SETD1A: variants seen among roughly 807,000 people sequenced by gnomAD.
SETD1A encodes SET domain containing 1A, histone lysine methyltransferase, also known as histone-lysine N-methyltransferase SETD1A.
Under a neutral mutation model 149.9 loss-of-function variants are expected in SETD1A, and 29 were observed. The observed-to-expected ratio is 0.19, with a 90% confidence interval of 0.14 to 0.26. The LOEUF (loss-of-function observed/expected upper bound fraction) is 0.26, where lower values mean the gene tolerates loss of function less well. Ranked by LOEUF, SETD1A falls within the 10% of genes least tolerant of loss-of-function variation. SETD1A has a pLI of 1.00. For synonymous variants in SETD1A, 1,141 were observed against 968.5 expected (o/e 1.18, Z -3.31); for missense variants, 2,109 against 2,353.1 (o/e 0.90, Z 2.15).
At chr16:30,972,426 G>T (rs1414214832) in intron 13 of SETD1A, among the ~76,000 whole-genome samples, 2 of 151,572 alleles carry the variant, frequency 1.3e-5, no homozygotes, top group Non-Finnish European at 3.0e-5. Context: ...CATGAGGTCA[G>T]GAGATCGAGA....
chr16:30,968,770 C>T (rs1404047620), intron 10 of SETD1A, among the ~76,000 whole-genome samples: 7 of 151,822 alleles, frequency 4.6e-5, no homozygotes, highest in Admixed American at 2.0e-4. Context: ...CACTGCACTC[C>T]AGCCTGGCGA....
Position 30,983,698 on chromosome 16 carries a change from C to G in SETD1A, c.4876C>G (p.Arg1626Gly). 6.2e-7 allele frequency: 1 copy of G among 1,614,038 alleles called. No homozygotes were observed. The highest frequency in any genetic ancestry group is 8.5e-7 in the Non-Finnish European group (1 of 1,179,978). ...GGGCATTGGCAGCAGCTACCTGTTC[C>G]GGGTGGACCACGACACCATCATCGA... ...QEGIGSSYLF[R>G]VDHDTIIDAT... The change falls in exon 18 of 19, where the codon CGG becomes GGG. Residue 1626 changes from arginine to glycine, a missense_variant. Physicochemically the swap from Arg to Gly is moderately radical, Grantham distance 125 (BLOSUM62 -2). Coordinates refer to ENST00000262519, the MANE Select transcript of SETD1A (RefSeq NM_014712.3). This position sits in a 1 kb window ranked among gnomAD's most constrained non-coding sequence, Gnocchi z 6.8.
rs989328905 is a variant in SETD1A, at chr16:30,971,790, A to G, written c.3358+71A>G. 3 of 1,488,398 alleles carry G rather than the reference A, an allele frequency of 2.0e-6. No individual in the cohort carries two copies. The African/African-American group carries it at 4.2e-5, about 21-fold the overall frequency. The allele number at this position is 1,488,398 out of a possible 1,614,324, so 92.2% of individuals were successfully genotyped here. The stretch of plus-strand genomic sequence containing the variant: ...AGAGAGAGAAAACAGTGGTGCTTGC[A>G]TTTATTGTGTACAAGTGTGTGACTT... On this transcript the variant is annotated intron_variant, in intron 13 of 18. Coordinates refer to ENST00000262519, the MANE Select transcript of SETD1A (RefSeq NM_014712.3).
chr16:30,961,121 T>G lies in SETD1A; in HGVS notation c.247-146T>G, dbSNP rs1192613669. 5 of 758,482 alleles carry G rather than the reference T, an allele frequency of 6.6e-6. No individual in the cohort carries two copies. Among genetic ancestry groups the G allele is most frequent in the Non-Finnish European group, 1.1e-5 (5 of 439,964 alleles). 47.0% of individuals were successfully genotyped at this position (758,482 alleles called of 1,614,324 possible). ...TTCAGGGAAAAGGGGTCAGGTCTGA[T>G]GGATCCCTTATTTTGGGCCCCTTCC... is the stretch of plus-strand genomic sequence containing the variant. On this transcript the variant is annotated intron_variant, in intron 3 of 18. Transcript: ENST00000262519. This position sits in a 1 kb window ranked among gnomAD's most constrained non-coding sequence, Gnocchi z 4.0.
chr16:30,964,664 G>A lies in SETD1A; in HGVS notation c.922G>A (p.Ala308Thr), dbSNP rs1329669335. The A allele has an allele frequency of 9.3e-6, 15 of 1,613,934 alleles. No homozygotes were observed. The highest frequency in any genetic ancestry group is 1.2e-5 in the Non-Finnish European group (14 of 1,180,016). Reference sequence around the variant, plus strand: ...GCGGTCAGAGAACAGCTACCAAGATGCCTTTTCCCGCCGCCACTTCTCTGC... The same window carrying A: ...GCGGTCAGAGAACAGCTACCAAGATACCTTTTCCCGCCGCCACTTCTCTGC... ...PRRSENSYQDAFSRRHFSASS... is the reference protein window; with the variant it reads ...PRRSENSYQDTFSRRHFSASS... Residue 308 changes from alanine to threonine, a missense_variant, in exon 7 of 19, where the codon GCC (alanine) becomes ACC (threonine). By Grantham distance (58) the Ala-to-Thr change is moderately conservative (BLOSUM62 0). Transcript: ENST00000262519.
In SETD1A at chr16:30,979,831, C is replaced by A; in HGVS notation, c.4045C>A (p.Pro1349Thr). 1 of 1,551,990 alleles carries A rather than the reference C, an allele frequency of 6.4e-7. No homozygotes were observed. The highest frequency in any genetic ancestry group is 1.7e-4 in the Middle Eastern group (1 of 5,796). The change falls in exon 14 of 19, where the codon CCC becomes ACC. Residue 1349 changes from proline (P) to threonine (T), a missense_variant. Physicochemically the swap from Pro to Thr is conservative, Grantham distance 38. Around this residue, in one of 8 missense-constraint regions of SETD1A, gnomAD observed 832 missense variants for 815.6 expected, o/e 1.02. Coordinates refer to ENST00000262519, the MANE Select transcript of SETD1A (RefSeq NM_014712.3). ...GGTGGTGGTGGCTGAGGCGGAGGAG[C>A]CCAAGCCGCAGCAACTGCAGCAGCA... is the stretch of plus-strand genomic sequence containing the variant. The part of the protein sequence containing the change: ...PEVVVAEAEE[P>T]KPQQLQQQRE...
At position 30,958,710 on chromosome 16, in the gene SETD1A, C is replaced by A. The variant is rs1024170002; in HGVS notation, c.-15-7C>A. ...ATCCTTCTTGCGTGTCCCTCTTCCC[C>A]TAACAGTGTAAATGAGCAAAGATGG... On this transcript the variant is annotated splice_polypyrimidine_tract_variant and splice_region_variant and intron_variant, in intron 1 of 18. Transcript: ENST00000262519. 4 of 1,613,502 alleles carry A rather than the reference C, an allele frequency of 2.5e-6. No individual in the cohort carries two copies. The African/African-American group carries it at 5.3e-5, about 22-fold the overall frequency.
At position 30,964,780 on chromosome 16, in the gene SETD1A, G is replaced by T; in HGVS notation, c.1038G>T (p.Ser346=). 1 of 1,614,060 alleles carries T rather than the reference G, an allele frequency of 6.2e-7. No individual in the cohort carries two copies. The change falls in exon 7 of 19, where the codon TCG becomes TCT. Residue 346 remains serine (S), a synonymous_variant. Transcript: ENST00000262519. ...CCGCCTCTTCCTCCTCATTGTCCTCGTCCTCCTCGTCATCCTCTTCCTCCT... is the reference window on the plus strand; with the variant it reads ...CCGCCTCTTCCTCCTCATTGTCCTCTTCCTCCTCGTCATCCTCTTCCTCCT... ...SSSASSSSLS[S]SSSSSSSSSS...
At chr16:30,977,103 C>T (rs1326563511) in intron 13 of SETD1A, among the ~76,000 whole-genome samples, 3 of 152,152 alleles carry the variant, frequency 2.0e-5, no homozygotes, top group African/African-American at 7.2e-5. Context: ...CGCGCCATCA[C>T]GCCCGCTAAT....
chr16:30,964,501 T>G, intron 6 of SETD1A, 111 bp from the exon 7 acceptor site: 1 of 1,517,306 alleles, frequency 6.6e-7, no homozygotes, highest in Non-Finnish European at 8.9e-7. Flanking sequence ...ACCCAACATA[T>G]AGCTCTTCTT....
In SETD1A at chr16:30,980,505, A is replaced by C. The variant is rs1234989678; in HGVS notation, c.4429A>C (p.Lys1477Gln). The C allele has an allele frequency of 6.2e-7, 1 of 1,613,878 alleles. No homozygotes were observed. The highest frequency in any genetic ancestry group is 8.5e-7 in the Non-Finnish European group (1 of 1,179,878). The change falls in exon 15 of 19, where the codon AAA (lysine) becomes CAA (glutamine). Residue 1477 changes from lysine (K) to glutamine (Q), a missense_variant. Coordinates refer to ENST00000262519, the MANE Select transcript of SETD1A (RefSeq NM_014712.3). This position sits in a 1 kb window ranked among gnomAD's most constrained non-coding sequence, Gnocchi z 7.7. ...TGCACTCACCAACCTGACCACCCCAAAACGCAAGCGGCGGCCCCAGGATGG... is the reference window on the plus strand; with the variant it reads ...TGCACTCACCAACCTGACCACCCCACAACGCAAGCGGCGGCCCCAGGATGG... The part of the protein sequence containing the change: ...HHTITNLTTP[K>Q]RKRRPQDGPR...
Position 30,971,553 on chromosome 16 carries a change from TGAAGAG to T in SETD1A, c.3201_3206del (p.Glu1068_Glu1069del), listed in dbSNP as rs752674976. On this transcript the variant is annotated inframe_deletion, in exon 13 of 19. Transcript: ENST00000262519. The stretch of plus-strand genomic sequence containing the variant: ...CATCCTCTGAGTCCTCCTCTGAAGA[TGAAGAG>T]GAAGAGGAGCGGCCAGCAGCCCTTC... 9.3e-6 allele frequency: 15 copies of T among 1,613,742 alleles called. No homozygotes were observed. The Admixed American group carries it at 1.0e-4, about 11-fold the overall frequency.
At chr16:30,963,863 G>C (rs1438022474) in intron 5 of SETD1A, among the ~76,000 whole-genome samples, 4 of 152,074 alleles carry the variant, frequency 2.6e-5, no homozygotes, top group African/African-American at 9.7e-5. Context: ...ATGGTGGTGG[G>C]CGCCTGTAGT....
At position 30,980,794 on chromosome 16, in the gene SETD1A, C is replaced by T; in HGVS notation, c.4637C>T (p.Ala1546Val). The T allele has an allele frequency of 6.2e-7, 1 of 1,613,028 alleles. No homozygotes were observed. Among genetic ancestry groups the T allele is most frequent in the Non-Finnish European group, 8.5e-7 (1 of 1,179,902 alleles). The change falls in exon 16 of 19, where the codon GCC (alanine) becomes GTC (valine). Residue 1546 changes from alanine (A) to valine (V), a missense_variant. By Grantham distance (64) the Ala-to-Val change is moderately conservative (BLOSUM62 0). Transcript: ENST00000262519. The surrounding 1 kb of genome is among the most constrained non-coding windows in gnomAD (Gnocchi z 7.7). ...RRSEQRRLLSAIGTSAIMDSD... is the reference protein window; with the variant it reads ...RRSEQRRLLSVIGTSAIMDSD... ...TCCGAGCAGCGGCGGCTGCTGAGCG[C>T]CATCGGTACCTCCGCCATCATGGAC...
chr16:30,969,660 C>T lies in SETD1A; in HGVS notation c.2987C>T (p.Thr996Ile). 3.1e-6 allele frequency: 5 copies of T among 1,614,102 alleles called. No individual in the cohort carries two copies. Among genetic ancestry groups the T allele is most frequent in the Non-Finnish European group, 4.2e-6 (5 of 1,179,948 alleles). Reference sequence around the variant, plus strand: ...GAAGATCGAGAGGAAGCTGTGGATACCACAAAGAAGGAGACAGAGGTGTCG... The same window carrying T: ...GAAGATCGAGAGGAAGCTGTGGATATCACAAAGAAGGAGACAGAGGTGTCG... Reference protein sequence around the residue: ...EDEDREEAVDTTKKETEVSDG... With the variant: ...EDEDREEAVDITKKETEVSDG... Residue 996 changes from threonine to isoleucine, a missense_variant, in exon 12 of 19, where the codon ACC becomes ATC. Around this residue, in one of 8 missense-constraint regions of SETD1A, gnomAD observed 832 missense variants for 815.6 expected, o/e 1.02. Coordinates refer to ENST00000262519, the MANE Select transcript of SETD1A (RefSeq NM_014712.3).
rs749058434 is a variant in SETD1A, at chr16:30,965,811, C to G, written c.1930C>G (p.Pro644Ala). The change falls in exon 8 of 19, where the codon CCT becomes GCT. Residue 644 changes from proline to alanine, a missense_variant. Transcript: ENST00000262519. ...ACCCAGACCTGATGGGCCGCCGCCC[C>G]CTGAGTACCCCCCACCTCCTCCACC... ...LPPRPDGPPP[P>A]EYPPPPPPPP... 30 of 1,596,176 alleles carry G rather than the reference C, an allele frequency of 1.9e-5. No individual in the cohort carries two copies. In the South Asian group the frequency reaches 2.5e-4, roughly 13 times the overall value.
At chr16:30,958,414 AG>A (rs1255739673) in intron 1 of SETD1A, 4 of 92,114 alleles carry the variant, frequency 4.3e-5, no homozygotes, top group African/African-American at 3.3e-4. Flanking sequence ...CGGGGCCTGC[AG>A]GGGGCGGGGG....
In SETD1A at chr16:30,965,191, C is replaced by A; in HGVS notation, c.1449C>A (p.Ala483=). 1 of 1,614,110 alleles carries A rather than the reference C, an allele frequency of 6.2e-7. No individual in the cohort carries two copies. The highest frequency in any genetic ancestry group is 2.2e-5 in the East Asian group (1 of 44,872). ...PETTNESVPF[A]QHSSLDSRIE... ...CCACCAATGAGAGTGTGCCCTTCGC[C>A]CAGCACAGCAGCCTGGATTCCCGCA... Residue 483 remains alanine, a synonymous_variant, in exon 7 of 19, where the codon GCC becomes GCA. Coordinates refer to ENST00000262519, the MANE Select transcript of SETD1A (RefSeq NM_014712.3).
At chr16:30,975,102 C>T (rs1034570174) in intron 13 of SETD1A, among the ~76,000 whole-genome samples, 2 of 151,562 alleles carry the variant, frequency 1.3e-5, no homozygotes, top group Admixed American at 6.6e-5. Flanking sequence ...GAGCCGAGAT[C>T]GTGCCACTGC....
Sources: allele counts gnomAD v4.1 joint callset (sites outside exome capture counted in the v4.1 genomes callset), GRCh38; gene constraint gnomAD v4.1.1; regional missense constraint gnomAD v4.1.1; non-coding constraint Gnocchi (gnomAD v3.1); transcripts MANE v1.5; gene names NCBI Gene and HGNC (gene_info 2026-07-23, HGNC 2026-07-21).